CYLC1: variants seen among roughly 807,000 people sequenced by gnomAD.
CYLC1 encodes the protein cylicin 1.
Under a neutral mutation model 31.6 loss-of-function variants are expected in CYLC1, and 2 were observed. The ratio of observed to expected loss-of-function variants is 0.06; its 90% CI spans 0.03 to 0.20. The LOEUF (loss-of-function observed/expected upper bound fraction) is 0.20, where lower values mean the gene tolerates loss of function less well. Ranked by LOEUF, CYLC1 falls within the 10% of genes least tolerant of loss-of-function variation. The pLI is 1.00. For synonymous variants in CYLC1, 185 were observed against 153.0 expected, an observed-to-expected ratio of 1.21 and a Z score of -1.54; for missense variants, 595 against 424.1, an observed-to-expected ratio of 1.40 and a Z score of -3.54.
At chrX:83,877,974 A>T (rs2031806985) in intron 4 of CYLC1, among the ~76,000 whole-genome samples, 2 of 73,088 alleles carry the variant, frequency 2.7e-5, no homozygotes, top group African/African-American at 1.0e-4. Context: ...ATATATTTGT[A>T]TATAAATATA....
intron 2 of CYLC1, among the ~76,000 whole-genome samples, chrX:83,871,082 A>G (rs1313392425): frequency 1.1e-5 from 1 of 87,195 alleles, no homozygotes; most frequent in Non-Finnish European, 2.7e-5. Context: ...CTAAAGTGAC[A>G]TAAAGAAAAA....
Position 83,873,375 on chromosome X carries a change from G to T in CYLC1, c.667G>T (p.Asp223Tyr). 2 of 1,202,714 alleles carry T rather than the reference G, an allele frequency of 1.7e-6. No individual in the cohort carries two copies. The highest frequency in any genetic ancestry group is 2.2e-6 in the Non-Finnish European group (2 of 889,284). The stretch of plus-strand genomic sequence containing the variant: ...ACATACAAAGAACAATCCAAAGAAA[G>T]ATTTGAAGAGGTCAAAGACTAGTAA... ...FLHTKNNPKK[D>Y]LKRSKTSNDP... Residue 223 changes from aspartate (D) to tyrosine (Y), a missense_variant, in exon 4 of 5, where the codon GAT becomes TAT. By Grantham distance (160) the Asp-to-Tyr change is radical. Transcript: ENST00000329312.
intron 4 of CYLC1, among the ~76,000 whole-genome samples, chrX:83,882,920 T>A (rs1433068316): frequency 9.0e-6 from 1 of 111,178 alleles, no homozygotes; most frequent in Non-Finnish European, 1.9e-5. Flanking sequence ...TGGGGCCTTT[T>A]CTGTTATTCT....
chrX:83,883,700 GA>G (rs1291303708), intron 4 of CYLC1, among the ~76,000 whole-genome samples: 1 of 111,762 alleles, frequency 8.9e-6, no homozygotes, highest in Admixed American at 9.6e-5. Flanking sequence ...TAAGCTGCAT[GA>G]TGACAAAGCT....
intron 1 of CYLC1, among the ~76,000 whole-genome samples, chrX:83,864,185 T>C (rs1354908625): frequency 8.9e-6 from 1 of 111,878 alleles, no homozygotes; most frequent in Admixed American, 9.5e-5. Flanking sequence ...TCTGCAAAGA[T>C]CCAATTCCAA....
intron 1 of CYLC1, among the ~76,000 whole-genome samples, chrX:83,865,263 TAC>T (rs769989735): frequency 1.2e-3 from 126 of 108,496 alleles, no homozygotes; most frequent in South Asian, 6.7e-3. Context: ...TAAACATGCA[TAC>T]ACACACACAC....
At chrX:83,866,707 G>T (rs748506530) in intron 1 of CYLC1, among the ~76,000 whole-genome samples, 1 of 110,521 alleles carries the variant, frequency 9.0e-6, no homozygotes, top group South Asian at 3.8e-4. Context: ...TGCTGAGATG[G>T]TTGATCACAT....
In CYLC1 at chrX:83,873,972, GA is replaced by G. The variant is rs1385226543; in HGVS notation, c.1271del (p.Lys424ArgfsTer69). The G allele has an allele frequency of 8.5e-7, 1 of 1,174,167 alleles. No individual in the cohort carries two copies. Among genetic ancestry groups the G allele is most frequent in the Non-Finnish European group, 1.1e-6 (1 of 876,020 alleles). ...ELESKESQKD[E>X]KKDKKDSKTD... ...GGAGTCAAAGGAGAGTCAGAAAGATGAAAAAAAGGATAAAAAAGATTCAAAG... is the reference window on the plus strand; with the variant it reads ...GGAGTCAAAGGAGAGTCAGAAAGATGAAAAAAGGATAAAAAAGATTCAAAG... On this transcript the variant is annotated frameshift_variant, in exon 4 of 5. Coordinates refer to ENST00000329312, the MANE Select transcript of CYLC1 (RefSeq NM_021118.3). LOFTEE classifies it high-confidence loss of function.
intron 1 of CYLC1, among the ~76,000 whole-genome samples, chrX:83,865,709 T>C (rs2031583474): frequency 9.0e-6 from 1 of 111,425 alleles, no homozygotes; most frequent in Non-Finnish European, 1.9e-5. Context: ...GACTGCATCA[T>C]TCTAATCTCT....
intron 4 of CYLC1, among the ~76,000 whole-genome samples, chrX:83,876,407 CTT>C (rs1357947316): frequency 1.4e-4 from 15 of 110,929 alleles, no homozygotes; most frequent in South Asian, 3.8e-4. Flanking sequence ...TAGCTAGACT[CTT>C]TTCCACAGGC....
intron 3 of CYLC1, 58 bp from the exon 4 acceptor site, chrX:83,872,828 C>T (rs2031689253): frequency 1.1e-6 from 1 of 870,702 alleles, no homozygotes; most frequent in Non-Finnish European, 1.5e-6. Flanking sequence ...TTTTATGTTT[C>T]AATATAGAAA....
chrX:83,864,690 A>G (rs569227350), intron 1 of CYLC1: 66 of 319,186 alleles, frequency 2.1e-4, no homozygotes, highest in South Asian at 1.8e-3. Flanking sequence ...CACTATTACT[A>G]GTTTCTTTTC....
At chrX:83,871,322 G>A (rs2031660893) in intron 2 of CYLC1, 130 bp from the exon 3 acceptor site, 1 of 381,104 alleles carries the variant, frequency 2.6e-6, no homozygotes, top group African/African-American at 2.7e-5. Context: ...TAGGAACTCT[G>A]AGGAAAAAAT....
chrX:83,870,625 C>A (rs889684456), intron 2 of CYLC1, among the ~76,000 whole-genome samples: 5 of 111,711 alleles, frequency 4.5e-5, no homozygotes, highest in African/African-American at 1.6e-4. Flanking sequence ...GCTTAGAACA[C>A]AGTCTGGCAC....
chrX:83,877,223 T>G (rs1053127818), intron 4 of CYLC1, among the ~76,000 whole-genome samples: 19 of 111,048 alleles, frequency 1.7e-4, no homozygotes, highest in African/African-American at 5.9e-4. Context: ...AAATATGTCC[T>G]GACTGAATCC....
chrX:83,867,113 C>T (rs939430160), intron 1 of CYLC1, among the ~76,000 whole-genome samples: 1 of 111,325 alleles, frequency 9.0e-6, no homozygotes, highest in Non-Finnish European at 1.9e-5. Flanking sequence ...ATGTTTTTCA[C>T]TACCTCCTGA....
At chrX:83,876,448 A>G (rs1425295368) in intron 4 of CYLC1, among the ~76,000 whole-genome samples, 1 of 111,578 alleles carries the variant, frequency 9.0e-6, no homozygotes, top group Non-Finnish European at 1.9e-5. Flanking sequence ...ATAAAATATA[A>G]GAAAAAAATT....
At chrX:83,877,998 G>T (rs1182485150) in intron 4 of CYLC1, among the ~76,000 whole-genome samples, 8 of 47,711 alleles carry the variant, frequency 1.7e-4, no homozygotes, top group South Asian at 1.0e-3. Context: ...ATATATATTT[G>T]TATATAAATA....
chrX:83,862,469 G>A (rs926579271), intron 1 of CYLC1, among the ~76,000 whole-genome samples: 2 of 111,269 alleles, frequency 1.8e-5, no homozygotes, highest in African/African-American at 3.3e-5. Flanking sequence ...CATGAACCTG[G>A]GGGGCGGAGC....
Sources: gnomAD v4.1 joint callset for allele counts (sites outside exome capture counted in the v4.1 genomes callset) on GRCh38, gnomAD v4.1.1 for gene constraint, MANE v1.5 for transcripts, NCBI Gene and HGNC (gene_info 2026-07-23, HGNC 2026-07-21) for gene names.